DLG1: variants seen among roughly 807,000 people sequenced by gnomAD.
DLG1 encodes disks large homolog 1.
In DLG1, 42 loss-of-function variants were observed where a neutral mutation model predicts 123.4. The ratio of observed to expected loss-of-function variants is 0.34; its 90% CI spans 0.27 to 0.44. DLG1 has a LOEUF of 0.44. Among genes scored for constraint, DLG1 ranks in the 20% least tolerant of loss-of-function variants. DLG1 has a pLI of 1.00. For missense variants in DLG1, 942 were observed against 1,082.6 expected (o/e 0.87, Z 1.82); for synonymous variants, 317 against 356.2 (o/e 0.89, Z 1.24).
intron 14 of DLG1, among the ~76,000 whole-genome samples, chr3:197,091,394 C>A (rs751768807): frequency 6.6e-6 from 1 of 151,594 alleles, no homozygotes; most frequent in Non-Finnish European, 1.5e-5. Context: ...AAGGAAGAAA[C>A]CTATAATAAT....
At chr3:197,297,366 G>C (rs745569657) in intron 1 of DLG1, 131 bp from the exon 2 acceptor site, 4 of 1,467,450 alleles carry the variant, frequency 2.7e-6, no homozygotes, top group South Asian at 2.8e-5. Flanking sequence ...GTCAAAGAAA[G>C]AGTCTCAAAA....
At position 197,225,364 on chromosome 3, in the gene DLG1, G is replaced by A. The variant is rs371523598; in HGVS notation, c.319-30775C>T. Among the ~76,000 whole-genome samples the A allele has an allele frequency of 2.0e-4, 30 of 152,192 alleles. No individual in the cohort carries two copies. The South Asian group carries it at 2.3e-3, about 12-fold the overall frequency. ...CTAAATTAACCAGTTTCATTTATAG[G>A]AAATGAGTAGTAAAGTCATGGTTCT... is the stretch of plus-strand genomic sequence containing the variant. On this transcript the variant is annotated intron_variant, in intron 4 of 24. Coordinates refer to ENST00000667157, the MANE Select transcript of DLG1 (RefSeq NM_001366207.1).
At chr3:197,116,961 A>C (rs767137732) in intron 12 of DLG1, among the ~76,000 whole-genome samples, 6 of 152,216 alleles carry the variant, frequency 3.9e-5, no homozygotes, top group Non-Finnish European at 5.9e-5. Flanking sequence ...ATGCTTTAAA[A>C]TATGTATGAA....
intron 10 of DLG1, among the ~76,000 whole-genome samples, chr3:197,131,195 C>A (rs750629631): frequency 4.6e-5 from 7 of 152,070 alleles, no homozygotes; most frequent in Non-Finnish European, 1.0e-4. Flanking sequence ...ACTATTAGAA[C>A]ACAATTGAGC....
chr3:197,045,957 G>C (rs1379001636), intron 24 of DLG1, among the ~76,000 whole-genome samples: 1 of 152,186 alleles, frequency 6.6e-6, no homozygotes, highest in South Asian at 2.1e-4. Flanking sequence ...ATAGAAGAAA[G>C]ACGTTGTATG....
intron 5 of DLG1, among the ~76,000 whole-genome samples, chr3:197,169,931 C>T (rs1577425733): frequency 6.6e-6 from 1 of 152,110 alleles, no homozygotes; most frequent in Admixed American, 6.5e-5. Flanking sequence ...CCCCTCACAC[C>T]GGCCCCAGTG....
intron 5 of DLG1, among the ~76,000 whole-genome samples, chr3:197,187,566 G>A (rs955794224): frequency 2.0e-5 from 3 of 152,120 alleles, no homozygotes; most frequent in Non-Finnish European, 4.4e-5. Flanking sequence ...AATAGTTTGA[G>A]CATAATTTTC....
At chr3:197,047,447 C>T (rs1724109405) in intron 24 of DLG1, among the ~76,000 whole-genome samples, 1 of 152,042 alleles carries the variant, frequency 6.6e-6, no homozygotes, top group Non-Finnish European at 1.5e-5. Context: ...AAAACCATGA[C>T]CCTTACTGAT....
At chr3:197,274,490 T>C (rs528085517) in intron 4 of DLG1, among the ~76,000 whole-genome samples, 41 of 150,916 alleles carry the variant, frequency 2.7e-4, no homozygotes, top group African/African-American at 9.2e-4. Context: ...CCTGAAAAGA[T>C]ACAATACGAC....
intron 4 of DLG1, among the ~76,000 whole-genome samples, chr3:197,240,826 A>G (rs898069920): frequency 6.6e-6 from 1 of 152,160 alleles, no homozygotes; most frequent in Non-Finnish European, 1.5e-5. Flanking sequence ...CAGAGTAAAC[A>G]ATCATTAGGC....
chr3:197,205,809 C>T (rs1316602786), intron 4 of DLG1, among the ~76,000 whole-genome samples: 1 of 152,192 alleles, frequency 6.6e-6, no homozygotes, highest in African/African-American at 2.4e-5. Context: ...GGAGGCTCTA[C>T]AGAAGAATCT....
intron 16 of DLG1, among the ~76,000 whole-genome samples, chr3:197,081,958 T>C (rs978326063): frequency 1.3e-5 from 2 of 152,236 alleles, no homozygotes; most frequent in East Asian, 1.9e-4. Flanking sequence ...GCAATTATGT[T>C]AGCATATAAC....
chr3:197,147,965 A>G (rs544102005), intron 6 of DLG1, among the ~76,000 whole-genome samples: 3 of 152,010 alleles, frequency 2.0e-5, no homozygotes, highest in East Asian at 1.9e-4. Flanking sequence ...TTCAAACTAC[A>G]TAACTACCAG....
chr3:197,200,113 T>C (rs1724831682), intron 4 of DLG1, among the ~76,000 whole-genome samples: 2 of 152,176 alleles, frequency 1.3e-5, no homozygotes, highest in South Asian at 4.1e-4. Flanking sequence ...TTTCCAGATA[T>C]CTTTCTTTAG....
intron 15 of DLG1, among the ~76,000 whole-genome samples, chr3:197,089,109 T>C (rs2149150254): frequency 6.6e-6 from 1 of 152,314 alleles, no homozygotes; most frequent in Non-Finnish European, 1.5e-5. Flanking sequence ...GCTTCATATT[T>C]AGAAATAAGG....
intron 5 of DLG1, among the ~76,000 whole-genome samples, chr3:197,190,126 G>C (rs563594973): frequency 1.3e-5 from 2 of 152,264 alleles, no homozygotes; most frequent in East Asian, 1.9e-4. Flanking sequence ...AGGAAGAAAT[G>C]AATCAGATTA....
At chr3:197,055,585 T>C (rs1731123033) in intron 23 of DLG1, among the ~76,000 whole-genome samples, 1 of 152,166 alleles carries the variant, frequency 6.6e-6, no homozygotes, top group Non-Finnish European at 1.5e-5. Context: ...ACTTAGGGTC[T>C]TTTCAGGTAT....
chr3:197,127,481 T>A (rs1579850497), intron 11 of DLG1, among the ~76,000 whole-genome samples: 4 of 87,560 alleles, frequency 4.6e-5, no homozygotes, highest in Non-Finnish European at 8.7e-5. Flanking sequence ...TATATATATA[T>A]ATATATATAT....
chr3:197,227,884 A>C (rs1740802759), intron 4 of DLG1, among the ~76,000 whole-genome samples: 1 of 152,250 alleles, frequency 6.6e-6, no homozygotes, highest in Admixed American at 6.5e-5. Context: ...TGTGGAACTT[A>C]AATGAAAAGT....
Sources: gnomAD v4.1 joint callset for allele counts (sites outside exome capture counted in the v4.1 genomes callset) on GRCh38, gnomAD v4.1.1 for gene constraint, MANE v1.5 for transcripts, NCBI Gene and HGNC (gene_info 2026-07-23, HGNC 2026-07-21) for gene names.